Variants in SLC39A10 observed in about 807,000 individuals in gnomAD.
SLC39A10 encodes zinc transporter ZIP10.
SLC39A10 carries 13 observed loss-of-function variants against 65.1 expected under a neutral mutation model. The ratio of observed to expected loss-of-function variants is 0.20; its 90% confidence interval spans 0.13 to 0.32. The LOEUF is 0.32. Among genes scored for constraint, SLC39A10 ranks in the 10% least tolerant of loss-of-function variants. The probability of loss-of-function intolerance (pLI) is 1.00; values close to 1 mark genes in which losing one functional copy is unlikely to be tolerated. For synonymous variants in SLC39A10, 321 were observed against 342.2 expected, an observed-to-expected ratio of 0.94 and a Z score of 0.68; for missense variants, 831 against 1,018.4, an observed-to-expected ratio of 0.82 and a Z score of 2.50.
chr2:195,642,172 G>C (rs1483757296), intron 2 of SLC39A10, among the ~76,000 whole-genome samples: 2 of 152,274 alleles, frequency 1.3e-5, no homozygotes, highest in South Asian at 4.1e-4. Context: ...TTTCACGGTG[G>C]AGAATGGATT....
At chr2:195,707,378 C>T (rs1362958557) in intron 4 of SLC39A10, among the ~76,000 whole-genome samples, 1 of 152,118 alleles carries the variant, frequency 6.6e-6, no homozygotes, top group Non-Finnish European at 1.5e-5. Context: ...CTATCACCAG[C>T]TAAGAGTATT....
intron 2 of SLC39A10, among the ~76,000 whole-genome samples, chr2:195,646,863 G>A (rs1170080299): frequency 1.3e-5 from 2 of 152,272 alleles, no homozygotes; most frequent in Non-Finnish European, 2.9e-5. Flanking sequence ...CATCTCAGGT[G>A]GAGCAGTTTC....
At chr2:195,623,724 A>G (rs1400195899) in intron 2 of SLC39A10, among the ~76,000 whole-genome samples, 1 of 152,176 alleles carries the variant, frequency 6.6e-6, no homozygotes, top group Non-Finnish European at 1.5e-5. Context: ...TTACCATATT[A>G]TACACTTTTA....
At chr2:195,630,674 TG>T in intron 2 of SLC39A10, among the ~76,000 whole-genome samples, 1 of 152,304 alleles carries the variant, frequency 6.6e-6, no homozygotes, top group East Asian at 1.9e-4. Context: ...CCGGGAACCA[TG>T]GACGAAAACC....
At chr2:195,630,704 A>G (rs1171995481) in intron 2 of SLC39A10, among the ~76,000 whole-genome samples, 1 of 152,230 alleles carries the variant, frequency 6.6e-6, no homozygotes, top group East Asian at 1.9e-4. Flanking sequence ...TCATAACACC[A>G]CAGGCACCTA....
chr2:195,617,033 C>A (rs1206333124), intron 2 of SLC39A10, among the ~76,000 whole-genome samples: 1 of 152,132 alleles, frequency 6.6e-6, no homozygotes, highest in Admixed American at 6.6e-5. Flanking sequence ...GTTAAACTTA[C>A]CAATATTTTA....
intron 2 of SLC39A10, among the ~76,000 whole-genome samples, chr2:195,649,323 A>G (rs554287209): frequency 6.6e-6 from 1 of 152,356 alleles, no homozygotes; most frequent in East Asian, 1.9e-4. Flanking sequence ...TGTTTTGACA[A>G]TTCATTTCTT....
chr2:195,664,652 C>A (rs1689565590), intron 1 of SLC39A10, among the ~76,000 whole-genome samples: 1 of 151,856 alleles, frequency 6.6e-6, no homozygotes, highest in South Asian at 2.1e-4. Context: ...TAAAGTAAGA[C>A]CTTTTATTTA....
At chr2:195,688,859 G>A (rs1690621059) in intron 3 of SLC39A10, among the ~76,000 whole-genome samples, 1 of 152,142 alleles carries the variant, frequency 6.6e-6, no homozygotes, top group South Asian at 2.1e-4. Flanking sequence ...TTATAAGTTT[G>A]TTTTGTCAAG....
intron 8 of SLC39A10, among the ~76,000 whole-genome samples, chr2:195,725,253 C>T (rs1301825007): frequency 3.3e-5 from 5 of 152,016 alleles, no homozygotes; most frequent in Admixed American, 3.3e-4. Context: ...AAGCATACTC[C>T]ATTAAGGAAA....
chr2:195,689,531 A>T (rs565866562), intron 3 of SLC39A10, among the ~76,000 whole-genome samples: 4 of 152,188 alleles, frequency 2.6e-5, no homozygotes, highest in Admixed American at 6.5e-5. Flanking sequence ...ATTTTAACAA[A>T]TTTTTTTCCA....
chr2:195,693,165 G>A (rs1285387539), intron 3 of SLC39A10, among the ~76,000 whole-genome samples: 1 of 152,160 alleles, frequency 6.6e-6, no homozygotes, highest in Non-Finnish European at 1.5e-5. Context: ...TGCATCCCTA[G>A]TATGAAATCC....
chr2:195,725,733 GATAA>G (rs1179473050), intron 8 of SLC39A10, among the ~76,000 whole-genome samples: 17 of 152,246 alleles, frequency 1.1e-4, no homozygotes, highest in African/African-American at 1.4e-4. Context: ...GGTGAATATA[GATAA>G]ATAAACTATG....
rs1005222454 is a variant in SLC39A10, at chr2:195,735,891, AAAG to A, written c.*853_*855del. The stretch of plus-strand genomic sequence containing the variant: ...AAATTGTAACCCTCTAGAAAATATC[AAAG>A]AAATGAACCAGACGTGGTTTAAATA... On this transcript the variant is annotated 3_prime_UTR_variant, in exon 10 of 10. Coordinates refer to ENST00000359634, the MANE Select transcript of SLC39A10 (RefSeq NM_020342.3). 1 of 150,744 alleles carries A rather than the reference AAAG, an allele frequency of 6.6e-6. No individual in the cohort carries two copies. Among genetic ancestry groups the A allele is most frequent in the African/African-American group, 2.5e-5 (1 of 40,756 alleles). 9.3% of individuals were successfully genotyped at this position (150,744 alleles called of 1,614,324 possible).
At chr2:195,647,764 C>T (rs185048237) in intron 2 of SLC39A10, among the ~76,000 whole-genome samples, 129 of 152,046 alleles carry the variant, frequency 8.5e-4, no homozygotes, top group African/African-American at 3.0e-3. Context: ...ATTTGTTCAC[C>T]CTTGTATCAG....
chr2:195,681,022 A>G lies in SLC39A10; in HGVS notation c.980A>G (p.Asp327Gly). Residue 327 changes from aspartate (D) to glycine (G), a missense_variant, in exon 2 of 10, where the codon GAT becomes GGT. Asp to Gly is a moderately conservative substitution (Grantham distance 94, BLOSUM62 -1). Coordinates refer to ENST00000359634, the MANE Select transcript of SLC39A10 (RefSeq NM_020342.3). ...AATGCAATAATTTCTTTGAGAAAAG[A>G]TCTAAATGAAGATGACCATCATCAT... ...KNNAIISLRK[D>G]LNEDDHHHEC... The G allele has an allele frequency of 1.9e-6, 3 of 1,611,158 alleles. No homozygotes were observed. Among genetic ancestry groups the G allele is most frequent in the Non-Finnish European group, 2.5e-6 (3 of 1,178,086 alleles).
At chr2:195,726,777 G>A (rs1692255189) in intron 8 of SLC39A10, among the ~76,000 whole-genome samples, 2 of 152,090 alleles carry the variant, frequency 1.3e-5, no homozygotes, top group South Asian at 4.1e-4. Flanking sequence ...ACCATGAGAG[G>A]TATAGAAGAA....
At chr2:195,660,551 C>T (rs981399451) in intron 1 of SLC39A10, among the ~76,000 whole-genome samples, 1 of 152,170 alleles carries the variant, frequency 6.6e-6, no homozygotes, top group African/African-American at 2.4e-5. Context: ...GATTTACTTA[C>T]TGCTGTAAAT....
chr2:195,651,342 A>G (rs528407708), intron 2 of SLC39A10, among the ~76,000 whole-genome samples: 24 of 152,320 alleles, frequency 1.6e-4, no homozygotes, highest in Admixed American at 1.5e-3. Flanking sequence ...TATCCTTTAA[A>G]TATCTCTGGC....
Sources: allele counts gnomAD v4.1 joint callset (sites outside exome capture counted in the v4.1 genomes callset), GRCh38; gene constraint gnomAD v4.1.1; transcripts MANE v1.5; gene names NCBI Gene and HGNC (gene_info 2026-07-23, HGNC 2026-07-21).